The following SNRPN variants were observed in gnomAD, a reference collection of about 807,000 sequenced individuals.
SNRPN encodes the protein small nuclear ribonucleoprotein-associated protein N.
A neutral mutation model predicts 25.2 loss-of-function variants in SNRPN; 7 were observed. The ratio of observed to expected loss-of-function variants is 0.28; its 90% CI spans 0.16 to 0.52. The LOEUF is 0.52. SNRPN is among the 20% of genes least tolerant of loss of function. The pLI is 0.96. For synonymous variants in SNRPN, 124 were observed against 110.6 expected, an observed-to-expected ratio of 1.12 and a Z score of -0.76; for missense variants, 196 against 322.5, an observed-to-expected ratio of 0.61 and a Z score of 3.00.
Position 24,978,188 on chromosome 15 carries a change from T to C in SNRPN, c.560-5T>C, listed in dbSNP as rs1425746338. 3.1e-6 allele frequency: 5 copies of C among 1,612,794 alleles called. No individual in the cohort carries two copies. Among genetic ancestry groups the C allele is most frequent in the South Asian group, 2.2e-5 (2 of 91,038 alleles). On this transcript the variant is annotated splice_polypyrimidine_tract_variant and splice_region_variant and intron_variant, in intron 8 of 9. Transcript: ENST00000390687. ...GGCCTTTATTTCTACCATTTTTCAC[T>C]GTAGGCATTATGGCTCCTCCACCTG... is the stretch of plus-strand genomic sequence containing the variant.
At chr15:24,852,078 A>G (rs935651540), upstream of SNRPN, 4 of 152,192 alleles carry the variant, frequency 2.6e-5, no homozygotes, top group Non-Finnish European at 5.9e-5. Flanking sequence ...TGAAATTATC[A>G]CACTTTAGTT....
intron 1 of SNRPN, among the ~76,000 whole-genome samples, chr15:24,828,587 C>G (rs781246592): frequency 6.6e-6 from 1 of 152,014 alleles, no homozygotes; most frequent in African/African-American, 2.4e-5. Flanking sequence ...AATAAACATA[C>G]GCTAAAAATT....
At chr15:24,947,660 C>T (rs144158146) in intron 3 of SNRPN, among the ~76,000 whole-genome samples, 238 of 152,144 alleles carry the variant, frequency 1.6e-3, no homozygotes, top group African/African-American at 5.4e-3. Flanking sequence ...AAAAACATAA[C>T]CTAATTTTAT....
rs147146818 is a variant in SNRPN, at chr15:24,918,874, T to C, written c.-504-1137T>C. ...ACATATATATAACAATATATATATG[T>C]GCATATATATATAACATAATATATA... is the stretch of plus-strand genomic sequence containing the variant. On this transcript the variant is annotated intron_variant, in intron 2 of 11. Coordinates refer to the SNRPN transcript ENST00000400097. Among the ~76,000 whole-genome samples the C allele has an allele frequency of 2.0e-3, 227 of 112,752 alleles. 41 individuals carry two copies. The Middle Eastern group carries it at 0.036, about 18-fold the overall frequency. The allele number at this position is 112,752 out of a possible 152,430, so 74.0% of individuals were successfully genotyped here. A position where few individuals can be genotyped will look rare whatever the true frequency, so the allele number is the denominator to read the frequency against.
Position 24,921,002 on chromosome 15 carries a change from A to AT in SNRPN, c.-391+879dup, listed in dbSNP as rs137880343. ...AAAGAGTATGTGCTGGAGGTGTATG[A>AT]TATTTTCCATCCACTTCAGCCCATT... On this transcript the variant is annotated intron_variant, in intron 3 of 11. Coordinates refer to the SNRPN transcript ENST00000400097. 7.2e-3 allele frequency among the ~76,000 whole-genome samples: 1,092 copies of AT among 152,268 alleles called. 16 individuals carry two copies. The highest frequency in any genetic ancestry group is 0.025 in the African/African-American group (1,056 of 41,550).
At chr15:24,907,191 A>C (rs1025166596) in intron 2 of SNRPN, among the ~76,000 whole-genome samples, 1 of 152,172 alleles carries the variant, frequency 6.6e-6, no homozygotes, top group African/African-American at 2.4e-5. Flanking sequence ...TGGGAGTAAA[A>C]GATTCGCAGC....
intron 2 of SNRPN, 68 bp from the exon 3 acceptor site, chr15:24,967,861 TTTC>T (rs2075886002): frequency 2.9e-6 from 4 of 1,357,246 alleles, no homozygotes; most frequent in Non-Finnish European, 2.1e-6. Flanking sequence ...GGTACCTAGT[TTTC>T]TTTCATATGG....
intron 3 of SNRPN, among the ~76,000 whole-genome samples, chr15:24,928,255 A>G (rs749446556): frequency 4.6e-5 from 7 of 152,170 alleles, no homozygotes; most frequent in Non-Finnish European, 7.3e-5. Context: ...AAATCAGTGT[A>G]TTGAAGAGAG....
chr15:24,954,961 C>T (rs993012082), upstream of SNRPN: 6 of 1,584,056 alleles, frequency 3.8e-6, no homozygotes, highest in Admixed American at 7.0e-5. Context: ...GTGTGCGAAG[C>T]CTGCCGCTGC....
At chr15:24,826,947 G>A (rs1197837261) in intron 1 of SNRPN, among the ~76,000 whole-genome samples, 2 of 152,050 alleles carry the variant, frequency 1.3e-5, no homozygotes, top group African/African-American at 4.8e-5. Context: ...GGTAAAGCAT[G>A]TTGCTTCTAG....
chr15:24,951,997 A>G (rs1368898949), upstream of SNRPN, among the ~76,000 whole-genome samples: 2 of 152,144 alleles, frequency 1.3e-5, no homozygotes, highest in African/African-American at 4.8e-5. Context: ...TAGGTGTCAT[A>G]TCTAAGAAAC....
At chr15:24,830,791 A>AT (rs1223284822) in intron 2 of SNRPN, among the ~76,000 whole-genome samples, 2 of 152,088 alleles carry the variant, frequency 1.3e-5, no homozygotes, top group African/African-American at 4.8e-5. Flanking sequence ...GAGTGCATAC[A>AT]TTGTATTAGT....
At chr15:24,856,721 T>C (rs1595488470) in intron 1 of SNRPN, 2 of 152,364 alleles carry the variant, frequency 1.3e-5, no homozygotes, top group East Asian at 3.9e-4. Context: ...TTCCTGGTAA[T>C]ATTCATTCTT....
upstream of SNRPN, among the ~76,000 whole-genome samples, chr15:24,854,880 G>A (rs2053238696): frequency 6.6e-6 from 1 of 151,922 alleles, no homozygotes; most frequent in Admixed American, 6.6e-5. Flanking sequence ...GGCACCTGCA[G>A]TCCCATCACC....
Position 24,977,760 on chromosome 15 carries a change from C to G in SNRPN, c.421-18C>G. On this transcript the variant is annotated intron_variant, in intron 7 of 9. Transcript: ENST00000390687. ...AAGGTTTGCATCGCTTTGACTGTTT[C>G]CCGCCCTGCCTTCTCAGGTAATGAC... is the stretch of plus-strand genomic sequence containing the variant. 1.3e-6 allele frequency: 2 copies of G among 1,574,962 alleles called. No individual in the cohort carries two copies. Among genetic ancestry groups the G allele is most frequent in the Non-Finnish European group, 1.7e-6 (2 of 1,162,804 alleles).
At chr15:24,832,680 G>A (rs1482677118) in intron 2 of SNRPN, among the ~76,000 whole-genome samples, 1 of 151,970 alleles carries the variant, frequency 6.6e-6, no homozygotes, top group Non-Finnish European at 1.5e-5. Context: ...CTTGCTACCG[G>A]TCACTCTTTG....
At chr15:24,870,050 T>C (rs61319565) in intron 1 of SNRPN, among the ~76,000 whole-genome samples, 17,530 of 152,202 alleles carry the variant, frequency 0.12, 1,654 homozygotes, top group African/African-American at 0.26. Flanking sequence ...GGTCTCTCAG[T>C]TGGCTCCCAT....
intron 3 of SNRPN, among the ~76,000 whole-genome samples, chr15:24,935,925 C>A (rs2061204979): frequency 6.6e-6 from 1 of 152,018 alleles, no homozygotes; most frequent in African/African-American, 2.4e-5. Context: ...ACCAGCCTGG[C>A]CAACATAGTG....
At chr15:24,868,526 A>C (rs2054806221) in intron 1 of SNRPN, among the ~76,000 whole-genome samples, 1 of 152,198 alleles carries the variant, frequency 6.6e-6, no homozygotes, top group Admixed American at 6.5e-5. Context: ...TTGTTTCAAA[A>C]TAAGTCAAGG....
Sources: allele counts gnomAD v4.1 joint callset (sites outside exome capture counted in the v4.1 genomes callset), GRCh38; gene constraint gnomAD v4.1.1; transcripts MANE v1.5; gene names NCBI Gene and HGNC (gene_info 2026-07-23, HGNC 2026-07-21).